CNKSR3: variants seen among roughly 807,000 people sequenced by gnomAD.
CNKSR3 encodes the protein CNKSR family member 3, also known as connector enhancer of kinase suppressor of ras 3.
In CNKSR3, 36 loss-of-function variants were observed where a neutral mutation model predicts 67.7. That is an observed-to-expected ratio of 0.53 (90% CI 0.41 to 0.70). The LOEUF is 0.70. Ranked by LOEUF, CNKSR3 falls within the 30% of genes least tolerant of loss-of-function variation. CNKSR3 has a pLI of 0.00. For synonymous variants in CNKSR3, 281 were observed against 271.4 expected (o/e 1.04, Z -0.35); for missense variants, 630 against 695.2 (o/e 0.91, Z 1.05).
intron 8 of CNKSR3, 38 bp from the exon 9 acceptor site, chr6:154,422,690 T>G (rs771440575): frequency 3.3e-5 from 53 of 1,608,084 alleles, no homozygotes; most frequent in Non-Finnish European, 3.9e-5. Flanking sequence ...GACTTGCTCA[T>G]GAATAACGAA....
At chr6:154,482,368 A>G (rs1786582883) in intron 1 of CNKSR3, among the ~76,000 whole-genome samples, 2 of 152,214 alleles carry the variant, frequency 1.3e-5, no homozygotes, top group African/African-American at 4.8e-5. Context: ...CCAGCCTGCC[A>G]CAAAACATCC....
At chr6:154,407,883 A>AAC (rs1554230764) in intron 12 of CNKSR3, among the ~76,000 whole-genome samples, 34 of 150,990 alleles carry the variant, frequency 2.3e-4, no homozygotes, top group Non-Finnish European at 3.5e-4. Context: ...AAAAAAAAAA[A>AAC]AAAAAAAAAA....
At chr6:154,438,895 C>T (rs9371807) in intron 4 of CNKSR3, among the ~76,000 whole-genome samples, 8,839 of 152,252 alleles carry the variant, frequency 0.058, 529 homozygotes, top group East Asian at 0.22. Context: ...GCAATGAAGA[C>T]GCTCACAGGT....
At chr6:154,422,435 T>C in intron 9 of CNKSR3, 71 bp downstream of exon 9, 1 of 1,444,088 alleles carries the variant, frequency 6.9e-7, no homozygotes, top group Non-Finnish European at 9.6e-7. Flanking sequence ...CAAATTTTAA[T>C]CTCTTTTTGT....
intron 1 of CNKSR3, among the ~76,000 whole-genome samples, chr6:154,489,547 C>T (rs1172537373): frequency 6.6e-6 from 1 of 151,948 alleles, no homozygotes; most frequent in Non-Finnish European, 1.5e-5. Context: ...AACAAACAAA[C>T]AAACAAACAA....
In CNKSR3 at chr6:154,422,566, C is replaced by G. The variant is rs1026453658; in HGVS notation, c.885G>C (p.Gly295=). Residue 295 remains glycine, a synonymous_variant, in exon 9 of 13, where the codon GGG becomes GGC. Coordinates refer to ENST00000607772, the MANE Select transcript of CNKSR3 (RefSeq NM_173515.4). ...VVLLLKKRPT[G]SFNFTPAPLK... ...GGGGAGCAGGAGTAAAGTTGAAAGA[C>G]CCGGTGGGGCGCTTCTTAAGCAGTA... 17 of 1,613,928 alleles carry G rather than the reference C, an allele frequency of 1.1e-5. No homozygotes were observed. The Middle Eastern group carries it at 6.6e-4, about 63-fold the overall frequency.
intron 1 of CNKSR3, among the ~76,000 whole-genome samples, chr6:154,459,538 G>A (rs1582878004): frequency 2.6e-5 from 4 of 152,222 alleles, no homozygotes; most frequent in South Asian, 2.1e-4. Context: ...TACCAAATAC[G>A]TAGTAATGAG....
chr6:154,445,034 T>C (rs1785681017), intron 2 of CNKSR3, among the ~76,000 whole-genome samples: 2 of 151,972 alleles, frequency 1.3e-5, no homozygotes, highest in South Asian at 4.1e-4. Flanking sequence ...TTTTGCAAGA[T>C]GAACAATGGT....
chr6:154,472,176 A>C lies in CNKSR3; in HGVS notation c.53-21918T>G, dbSNP rs1041981005. Among the ~76,000 whole-genome samples, 7 of 152,318 alleles carry C rather than the reference A, an allele frequency of 4.6e-5. No homozygotes were observed. The East Asian group carries it at 1.2e-3, about 25-fold the overall frequency. On this transcript the variant is annotated intron_variant, in intron 1 of 12. Coordinates refer to ENST00000607772, the MANE Select transcript of CNKSR3 (RefSeq NM_173515.4). ...AACTGGCCCCAAGTATAATTTAAAA[A>C]AAACACACACACAATGCACTGGTTG...
chr6:154,451,874 C>A (rs1181830062), intron 1 of CNKSR3, among the ~76,000 whole-genome samples: 3 of 150,532 alleles, frequency 2.0e-5, no homozygotes, highest in African/African-American at 7.5e-5. Flanking sequence ...CTAGACATTA[C>A]GCAGCAAGTG....
intron 12 of CNKSR3, among the ~76,000 whole-genome samples, chr6:154,407,986 G>A (rs1036657137): frequency 5.3e-5 from 8 of 150,514 alleles, no homozygotes; most frequent in Non-Finnish European, 8.8e-5. Context: ...CAAATATGGT[G>A]TAGATAATAT....
In CNKSR3 at chr6:154,398,439, C is replaced by A. The variant is rs577647949; in HGVS notation, c.*7915G>T. On this transcript the variant is annotated 3_prime_UTR_variant, in exon 13 of 13. Transcript: ENST00000607772. ...CTTTCCTTTTCACTTCCTGGACCTA[C>A]CAAAGCCTTGGCCTTGGGTGGGGAG... The A allele has an allele frequency of 6.6e-6, 1 of 152,352 alleles. No homozygotes were observed. Among genetic ancestry groups the A allele is most frequent in the South Asian group, 2.1e-4 (1 of 4,822 alleles). The allele number at this position is 152,352 out of a possible 1,614,324, so 9.4% of individuals were successfully genotyped here.
At chr6:154,412,687 A>G (rs1256295439) in intron 10 of CNKSR3, among the ~76,000 whole-genome samples, 3 of 152,226 alleles carry the variant, frequency 2.0e-5, no homozygotes, top group African/African-American at 4.8e-5. Flanking sequence ...ATGGAAAACA[A>G]TGTTGAATCT....
At chr6:154,412,394 C>T (rs886824478) in intron 10 of CNKSR3, among the ~76,000 whole-genome samples, 2 of 152,158 alleles carry the variant, frequency 1.3e-5, no homozygotes, top group African/African-American at 4.8e-5. Flanking sequence ...CCTCCTAGCC[C>T]CAGGTTCCTT....
chr6:154,429,493 A>C (rs939529948), intron 6 of CNKSR3, among the ~76,000 whole-genome samples: 1 of 152,204 alleles, frequency 6.6e-6, no homozygotes, highest in Non-Finnish European at 1.5e-5. Flanking sequence ...ATCTGCTTAA[A>C]TATGTGACTA....
At chr6:154,479,236 C>A (rs1312112633) in intron 1 of CNKSR3, among the ~76,000 whole-genome samples, 1 of 150,292 alleles carries the variant, frequency 6.7e-6, no homozygotes, top group East Asian at 2.0e-4. Flanking sequence ...AAAAAATATT[C>A]TTTCAGTGCA....
chr6:154,484,823 G>A (rs1311100574), intron 1 of CNKSR3, among the ~76,000 whole-genome samples: 1 of 140,200 alleles, frequency 7.1e-6, no homozygotes, highest in Non-Finnish European at 1.6e-5. Flanking sequence ...GTTACCATCT[G>A]GATGGAGGCG....
At chr6:154,498,670 G>A (rs943055911) in intron 1 of CNKSR3, among the ~76,000 whole-genome samples, 24 of 152,138 alleles carry the variant, frequency 1.6e-4, no homozygotes, top group African/African-American at 5.8e-4. Context: ...CCTGGTCTTT[G>A]GTGTTCACTT....
At chr6:154,484,357 A>G (rs564219249) in intron 1 of CNKSR3, among the ~76,000 whole-genome samples, 132 of 152,282 alleles carry the variant, frequency 8.7e-4, no homozygotes, top group South Asian at 7.5e-3. Context: ...CAGTTCACCA[A>G]CGTGAACAGG....
Sources: gnomAD v4.1 joint callset for allele counts (sites outside exome capture counted in the v4.1 genomes callset) on GRCh38, gnomAD v4.1.1 for gene constraint, MANE v1.5 for transcripts, NCBI Gene and HGNC (gene_info 2026-07-23, HGNC 2026-07-21) for gene names.